The following GABBR2 variants were observed in gnomAD, a reference collection of about 807,000 sequenced individuals.
GABBR2 encodes G-protein coupled receptor 51.
A neutral mutation model predicts 105.6 loss-of-function variants in GABBR2; 23 were observed. The observed-to-expected ratio is 0.22, with a 90% confidence interval of 0.16 to 0.31. The LOEUF (loss-of-function observed/expected upper bound fraction) is 0.31, where lower values mean the gene tolerates loss of function less well. Among genes scored for constraint, GABBR2 ranks in the 10% least tolerant of loss-of-function variants. The pLI is 1.00. For synonymous variants in GABBR2, 478 were observed against 499.7 expected (o/e 0.96, Z 0.58); for missense variants, 734 against 1,245.5 (o/e 0.59, Z 6.18).
intron 1 of GABBR2, among the ~76,000 whole-genome samples, chr9:98,657,928 C>T (rs1830204939): frequency 6.6e-6 from 1 of 152,252 alleles, no homozygotes; most frequent in Non-Finnish European, 1.5e-5. Context: ...GAGGCCTTCC[C>T]AGCAATGGGA....
chr9:98,306,024 G>A lies in GABBR2; in HGVS notation c.2229+97C>T. 3 of 762,570 alleles carry A rather than the reference G, an allele frequency of 3.9e-6. No individual in the cohort carries two copies. Among genetic ancestry groups the A allele is most frequent in the Non-Finnish European group, 6.4e-6 (3 of 466,076 alleles). The allele number at this position is 762,570 out of a possible 1,614,324, so 47.2% of individuals were successfully genotyped here. A position where few individuals can be genotyped will look rare whatever the true frequency, so the allele number is the denominator to read the frequency against. ...ATTGTCTTCATCATAAAAAAAAAAA[G>A]GAATGGGTAAACCTTTTAGAGAATG... On this transcript the variant is annotated intron_variant, in intron 15 of 18. Transcript: ENST00000259455. The surrounding 1 kb of genome is among the most constrained non-coding windows in gnomAD (Gnocchi z 5.4).
chr9:98,346,492 G>T (rs1355925073), intron 13 of GABBR2, among the ~76,000 whole-genome samples: 1 of 152,084 alleles, frequency 6.6e-6, no homozygotes, highest in Non-Finnish European at 1.5e-5. Flanking sequence ...GACTATTTTG[G>T]TGTGTGTATA....
chr9:98,558,291 A>G (rs1828616924), intron 2 of GABBR2, among the ~76,000 whole-genome samples: 1 of 152,204 alleles, frequency 6.6e-6, no homozygotes. Context: ...ACCCTAAGTA[A>G]CCATTCAGGC....
At chr9:98,451,449 T>G (rs1826227856) in intron 7 of GABBR2, among the ~76,000 whole-genome samples, 1 of 152,154 alleles carries the variant, frequency 6.6e-6, no homozygotes, top group African/African-American at 2.4e-5. Flanking sequence ...TTCAGAGCCT[T>G]TAGTCCAGAA....
intron 1 of GABBR2, among the ~76,000 whole-genome samples, chr9:98,664,608 G>A (rs1402678185): frequency 6.6e-6 from 1 of 152,190 alleles, no homozygotes; most frequent in East Asian, 1.9e-4. Flanking sequence ...GTAACAGTCT[G>A]AAGGGCCTCT....
chr9:98,307,826 T>A (rs76778679), intron 14 of GABBR2, among the ~76,000 whole-genome samples: 2,749 of 152,344 alleles, frequency 0.018, 83 homozygotes, highest in African/African-American at 0.061. Flanking sequence ...AAGCTATTTG[T>A]AATTGATCTT....
chr9:98,615,568 C>T (rs536697785), intron 1 of GABBR2, among the ~76,000 whole-genome samples: 1 of 152,282 alleles, frequency 6.6e-6, no homozygotes, highest in East Asian at 1.9e-4. Flanking sequence ...TAACGTGCTT[C>T]CAGAAGAGTC....
chr9:98,461,872 G>A (rs1372822105), intron 6 of GABBR2, among the ~76,000 whole-genome samples: 1 of 152,208 alleles, frequency 6.6e-6, no homozygotes, highest in Non-Finnish European at 1.5e-5. Context: ...AGAGAGCAAG[G>A]GGGAAGGTGT....
chr9:98,290,689 G>T lies in GABBR2; in HGVS notation c.2721C>A (p.Ile907=). The T allele has an allele frequency of 6.8e-7, 1 of 1,480,822 alleles. No individual in the cohort carries two copies. The highest frequency in any genetic ancestry group is 3.0e-5 in the Admixed American group (1 of 32,902). 91.7% of individuals were successfully genotyped at this position (1,480,822 alleles called of 1,614,324 possible). ...PILHHAYLPS[I]GGVDASCVSP... ...TGACACAGCTGGCGTCCACGCCTCC[G>T]ATGGATGGGAGGTAGGCGTGGTGGA... Residue 907 remains isoleucine, a synonymous_variant, in exon 19 of 19, where the codon ATC becomes ATA. Transcript: ENST00000259455.
At position 98,317,646 on chromosome 9, in the gene GABBR2, A is replaced by G. The variant is rs149519755; in HGVS notation, c.1894-6441T>C. On this transcript the variant is annotated intron_variant, in intron 13 of 18. Coordinates refer to ENST00000259455, the MANE Select transcript of GABBR2 (RefSeq NM_005458.8). ...GATGACTCTATCTGTCCTACATTTC[A>G]TGACTGTATTTGTCCTACATTCATT... is the stretch of plus-strand genomic sequence containing the variant. Among the ~76,000 whole-genome samples the G allele has an allele frequency of 1.1e-4, 16 of 152,308 alleles. 1 individual carries two copies. In the East Asian group the frequency reaches 2.7e-3, roughly 26 times the overall value.
chr9:98,518,167 G>C (rs1024362967), intron 3 of GABBR2, among the ~76,000 whole-genome samples: 4 of 152,152 alleles, frequency 2.6e-5, no homozygotes, highest in Non-Finnish European at 5.9e-5. Flanking sequence ...TTGTCCTCCA[G>C]AGCAGTTGAT....
intron 2 of GABBR2, among the ~76,000 whole-genome samples, chr9:98,551,523 G>A (rs989033000): frequency 6.6e-6 from 1 of 152,204 alleles, no homozygotes; most frequent in Admixed American, 6.5e-5. Flanking sequence ...CAGTAGACCA[G>A]GGAGGGAACA....
Position 98,332,528 on chromosome 9 carries a change from C to T in GABBR2, c.1894-21323G>A, listed in dbSNP as rs150869251. Among the ~76,000 whole-genome samples the T allele has an allele frequency of 7.5e-3, 1,145 of 152,292 alleles. 17 individuals carry two copies. The highest frequency in any genetic ancestry group is 0.026 in the African/African-American group (1,078 of 41,560). On this transcript the variant is annotated intron_variant, in intron 13 of 18. Coordinates refer to ENST00000259455, the MANE Select transcript of GABBR2 (RefSeq NM_005458.8). ...AGGTTAAGTCACTCACCCAAGGTCA[C>T]GCAGCTGGGAGGTGGCAGAATCTGG...
chr9:98,308,835 T>C (rs1294421901), intron 14 of GABBR2, among the ~76,000 whole-genome samples: 1 of 152,238 alleles, frequency 6.6e-6, no homozygotes, highest in Non-Finnish European at 1.5e-5. Context: ...AGCCACTGTT[T>C]TGTGGTAATT....
At chr9:98,619,526 T>C (rs903012775) in intron 1 of GABBR2, among the ~76,000 whole-genome samples, 2 of 152,220 alleles carry the variant, frequency 1.3e-5, no homozygotes, top group Non-Finnish European at 2.9e-5. Context: ...ATCAAGAGAC[T>C]GATATTTCAT....
chr9:98,372,445 C>T (rs914996008), intron 11 of GABBR2, among the ~76,000 whole-genome samples: 6 of 152,238 alleles, frequency 3.9e-5, no homozygotes, highest in Non-Finnish European at 7.3e-5. Context: ...CCATGAGTTG[C>T]AGCTCTGAGC....
At chr9:98,615,258 C>T (rs748300770) in intron 1 of GABBR2, among the ~76,000 whole-genome samples, 9 of 152,170 alleles carry the variant, frequency 5.9e-5, no homozygotes, top group Non-Finnish European at 1.2e-4. Flanking sequence ...CTGTAGACCC[C>T]AGAGGCACAG....
intron 1 of GABBR2, among the ~76,000 whole-genome samples, chr9:98,648,116 T>TGTGTGTGTGTGTGTATAGATAG: frequency 0.043 from 2,410 of 55,730 alleles, 99 homozygotes; most frequent in Non-Finnish European, 0.055. Context: ...TGTGTGTGTG[T>TGTGTGTGTGTGTGTATAGATAG]ATAGATAGAT....
chr9:98,571,697 A>G (rs940657906), intron 2 of GABBR2, among the ~76,000 whole-genome samples: 12 of 152,204 alleles, frequency 7.9e-5, no homozygotes, highest in African/African-American at 2.9e-4. Context: ...TACTCTGTGT[A>G]TTAAATTTCC....
Sources: allele counts gnomAD v4.1 joint callset (sites outside exome capture counted in the v4.1 genomes callset), GRCh38; gene constraint gnomAD v4.1.1; non-coding constraint Gnocchi (gnomAD v3.1); transcripts MANE v1.5; gene names NCBI Gene and HGNC (gene_info 2026-07-23, HGNC 2026-07-21).